The following LRRC4C variants were observed in gnomAD, a reference collection of about 807,000 sequenced individuals.
LRRC4C encodes the protein leucine rich repeat containing 4C.
A neutral mutation model predicts 33.6 loss-of-function variants in LRRC4C; 5 were observed. The observed-to-expected ratio is 0.15, with a 90% confidence interval of 0.08 to 0.31. The LOEUF (loss-of-function observed/expected upper bound fraction) is 0.31, where lower values mean the gene tolerates loss of function less well. Among genes scored for constraint, LRRC4C ranks in the 10% least tolerant of loss-of-function variants. The pLI is 1.00. For synonymous variants in LRRC4C, 329 were observed against 302.0 expected, an observed-to-expected ratio of 1.09 and a Z score of -0.93; for missense variants, 560 against 796.7, an observed-to-expected ratio of 0.70 and a Z score of 3.58.
intron 3 of LRRC4C, among the ~76,000 whole-genome samples, chr11:40,431,881 C>G (rs118018973): frequency 0.025 from 3,802 of 152,268 alleles, 74 homozygotes; most frequent in Non-Finnish European, 0.039. Flanking sequence ...CCTCATTACA[C>G]TATCATAACT....
At chr11:40,490,227 T>A (rs1261684192) in intron 3 of LRRC4C, among the ~76,000 whole-genome samples, 1 of 152,230 alleles carries the variant, frequency 6.6e-6, no homozygotes, top group African/African-American at 2.4e-5. Context: ...GGATTGTTTT[T>A]TCCTTCTGCC....
intron 5 of LRRC4C, among the ~76,000 whole-genome samples, chr11:40,219,416 A>C (rs1229768726): frequency 6.6e-6 from 1 of 152,198 alleles, no homozygotes; most frequent in Non-Finnish European, 1.5e-5. Context: ...TTCTAAGCAC[A>C]GAAGTGGCCA....
intron 1 of LRRC4C, among the ~76,000 whole-genome samples, chr11:41,105,301 T>A (rs935078753): frequency 6.6e-6 from 1 of 152,038 alleles, no homozygotes; most frequent in Admixed American, 6.6e-5. Flanking sequence ...CTGAATGCAG[T>A]CTAAGCATCA....
intron 1 of LRRC4C, among the ~76,000 whole-genome samples, chr11:40,968,845 G>A (rs546532555): frequency 1.3e-5 from 2 of 152,136 alleles, no homozygotes; most frequent in African/African-American, 4.8e-5. Flanking sequence ...TGTACAAGGA[G>A]ATTACTGTTA....
chr11:41,352,067 G>T (rs575451833), intron 1 of LRRC4C, among the ~76,000 whole-genome samples: 1 of 152,146 alleles, frequency 6.6e-6, no homozygotes, highest in Admixed American at 6.5e-5. Flanking sequence ...AAGGCATAGA[G>T]TGACAAGTTG....
chr11:40,798,808 T>A (rs1237014600), intron 2 of LRRC4C, among the ~76,000 whole-genome samples: 1 of 152,040 alleles, frequency 6.6e-6, no homozygotes, highest in Non-Finnish European at 1.5e-5. Context: ...CATACTCAGC[T>A]AGTTTTTGCA....
intron 1 of LRRC4C, among the ~76,000 whole-genome samples, chr11:41,143,981 GAA>G (rs1943624350): frequency 6.6e-6 from 1 of 152,164 alleles, no homozygotes; most frequent in African/African-American, 2.4e-5. Context: ...TGTACTTTCT[GAA>G]GTCTTTGAGA....
intron 2 of LRRC4C, among the ~76,000 whole-genome samples, chr11:40,818,202 A>T (rs1316276643): frequency 6.6e-6 from 1 of 152,086 alleles, no homozygotes; most frequent in African/African-American, 2.4e-5. Flanking sequence ...CAAGGTTAAG[A>T]TGCTTCTCCT....
intron 3 of LRRC4C, among the ~76,000 whole-genome samples, chr11:40,392,695 G>T (rs962960548): frequency 6.6e-6 from 1 of 151,974 alleles, no homozygotes; most frequent in African/African-American, 2.4e-5. Flanking sequence ...GAAAAAAAAT[G>T]TAGCATCTGT....
At chr11:41,002,505 C>T (rs1425776709) in intron 1 of LRRC4C, among the ~76,000 whole-genome samples, 1 of 152,134 alleles carries the variant, frequency 6.6e-6, no homozygotes, top group African/African-American at 2.4e-5. Context: ...TCATATGTCC[C>T]ACACTTGTAT....
intron 1 of LRRC4C, among the ~76,000 whole-genome samples, chr11:40,964,602 T>C (rs1851207984): frequency 6.7e-6 from 1 of 149,020 alleles, no homozygotes; most frequent in Non-Finnish European, 1.5e-5. Context: ...TTCCCACTTA[T>C]GAGTGAGAAT....
intron 1 of LRRC4C, among the ~76,000 whole-genome samples, chr11:41,244,973 A>G (rs748268425): frequency 3.3e-5 from 5 of 152,168 alleles, no homozygotes; most frequent in Non-Finnish European, 7.3e-5. Context: ...ACAGTCCCAT[A>G]GTAGAAACAA....
intron 1 of LRRC4C, among the ~76,000 whole-genome samples, chr11:41,234,897 T>C (rs1013837159): frequency 3.3e-5 from 5 of 152,024 alleles, no homozygotes; most frequent in Non-Finnish European, 7.4e-5. Context: ...ACCAGAAGCA[T>C]GGTTTTAATC....
chr11:40,569,891 G>A (rs1009245112), intron 3 of LRRC4C, among the ~76,000 whole-genome samples: 4 of 151,950 alleles, frequency 2.6e-5, no homozygotes, highest in African/African-American at 9.7e-5. Context: ...ATACTAACAA[G>A]CAGTAAAATC....
At chr11:40,918,676 A>T (rs894499280) in intron 2 of LRRC4C, among the ~76,000 whole-genome samples, 3 of 152,142 alleles carry the variant, frequency 2.0e-5, no homozygotes, top group Admixed American at 1.3e-4. Flanking sequence ...CTTTATCAGA[A>T]TATCTTTGAG....
intron 3 of LRRC4C, among the ~76,000 whole-genome samples, chr11:40,460,460 G>A (rs990825694): frequency 2.0e-5 from 3 of 152,136 alleles, no homozygotes; most frequent in Non-Finnish European, 4.4e-5. Flanking sequence ...CTCTTAAGGA[G>A]TGTACATACA....
At position 40,701,594 on chromosome 11, in the gene LRRC4C, T is replaced by C. The variant is rs527313117; in HGVS notation, c.-406-53316A>G. Among the ~76,000 whole-genome samples the C allele has an allele frequency of 1.8e-4, 27 of 149,984 alleles. No individual in the cohort carries two copies. In the South Asian group the frequency reaches 4.4e-3, roughly 24 times the overall value. On this transcript the variant is annotated intron_variant, in intron 2 of 6. Transcript: ENST00000528697. ...TCATATTTATCATAGGAATATGTTTTCATATATATATTTTATATATGTATA... is the reference window on the plus strand; with the variant it reads ...TCATATTTATCATAGGAATATGTTTCCATATATATATTTTATATATGTATA...
intron 3 of LRRC4C, among the ~76,000 whole-genome samples, chr11:40,406,537 G>A (rs1046467471): frequency 6.6e-6 from 1 of 152,040 alleles, no homozygotes; most frequent in African/African-American, 2.4e-5. Context: ...ATAAATTAAT[G>A]CAACAACATA....
At position 41,019,308 on chromosome 11, in the gene LRRC4C, A is replaced by G. The variant is rs540541774; in HGVS notation, c.-495-85585T>C. ...TTCCTGTGTTAGTTTGCTTAGGAGGATGGCTTTCAGCTTCATCCATGTACC... is the reference window on the plus strand; with the variant it reads ...TTCCTGTGTTAGTTTGCTTAGGAGGGTGGCTTTCAGCTTCATCCATGTACC... On this transcript the variant is annotated intron_variant, in intron 1 of 6. Coordinates refer to ENST00000528697, the MANE Select transcript of LRRC4C (RefSeq NM_001258419.2). 7.9e-5 allele frequency among the ~76,000 whole-genome samples: 12 copies of G among 152,206 alleles called. No individual in the cohort carries two copies. In the East Asian group the frequency reaches 2.3e-3, roughly 30 times the overall value.
Sources: allele counts gnomAD v4.1 joint callset (sites outside exome capture counted in the v4.1 genomes callset), GRCh38; gene constraint gnomAD v4.1.1; transcripts MANE v1.5; gene names NCBI Gene and HGNC (gene_info 2026-07-23, HGNC 2026-07-21).